The following ABLIM1 variants were observed in gnomAD, a reference collection of about 807,000 sequenced individuals.
ABLIM1 encodes the protein actin binding LIM protein 1.
Under a neutral mutation model 107.0 loss-of-function variants are expected in ABLIM1, and 40 were observed. That is an observed-to-expected ratio of 0.37 (90% CI 0.29 to 0.49). The LOEUF (loss-of-function observed/expected upper bound fraction) is 0.49, where lower values mean the gene tolerates loss of function less well. ABLIM1 is among the 20% of genes least tolerant of loss of function. The pLI is 0.97. For synonymous variants in ABLIM1, 357 were observed against 357.3 expected (o/e 1.00, Z 0.01); for missense variants, 857 against 1,008.5 (o/e 0.85, Z 2.04).
chr10:114,787,511 GC>G, the ABLIM1 span, among the ~76,000 whole-genome samples: 1 of 115,350 alleles, frequency 8.7e-6, no homozygotes, highest in Non-Finnish European at 1.8e-5. Flanking sequence ...CCGGCCAGCC[GC>G]CCTGTCCGGG....
At chr10:114,445,528 T>A in intron 15 of ABLIM1, 125 bp from the exon 16 acceptor site, 2 of 792,318 alleles carry the variant, frequency 2.5e-6, no homozygotes, top group Non-Finnish European at 4.3e-6. Context: ...CACTTTTAAG[T>A]AAACAATACA....
At chr10:114,497,194 A>G (rs189291879) in intron 6 of ABLIM1, among the ~76,000 whole-genome samples, 4 of 152,336 alleles carry the variant, frequency 2.6e-5, no homozygotes, top group African/African-American at 7.2e-5. Context: ...AAACTTTTAA[A>G]GCCCAGCAGG....
At chr10:114,648,152 C>T (rs936987466) in intron 1 of ABLIM1, among the ~76,000 whole-genome samples, 2 of 152,138 alleles carry the variant, frequency 1.3e-5, no homozygotes, top group Non-Finnish European at 2.9e-5. Flanking sequence ...AGAGAATTAT[C>T]GTATGACCCA....
chr10:114,775,105 G>C, the ABLIM1 span, among the ~76,000 whole-genome samples: 3 of 152,130 alleles, frequency 2.0e-5, no homozygotes, highest in Admixed American at 2.0e-4. Context: ...TCTTCACATG[G>C]TGGCAGGAGA....
intron 1 of ABLIM1, among the ~76,000 whole-genome samples, chr10:114,669,724 A>T (rs752831439): frequency 6.6e-6 from 1 of 152,174 alleles, no homozygotes; most frequent in Non-Finnish European, 1.5e-5. Flanking sequence ...AAGCTAACAA[A>T]AATAGCCTGC....
chr10:114,552,617 A>G (rs192257876), intron 4 of ABLIM1, among the ~76,000 whole-genome samples: 1 of 152,342 alleles, frequency 6.6e-6, no homozygotes, highest in African/African-American at 2.4e-5. Context: ...ATTAACATCC[A>G]TCTACATAGC....
chr10:114,476,168 GA>G (rs994576797), intron 8 of ABLIM1, among the ~76,000 whole-genome samples: 4 of 152,210 alleles, frequency 2.6e-5, no homozygotes, highest in Non-Finnish European at 5.9e-5. Context: ...GTGGCTGGGA[GA>G]AATCACACCA....
chr10:114,700,582 T>C (rs891695255), intron 1 of ABLIM1, among the ~76,000 whole-genome samples: 4 of 151,756 alleles, frequency 2.6e-5, no homozygotes, highest in African/African-American at 7.3e-5. Flanking sequence ...ATTGCCATAA[T>C]GAAAGACAAA....
chr10:114,772,746 A>G (rs2083039406), upstream of ABLIM1, among the ~76,000 whole-genome samples: 2 of 152,252 alleles, frequency 1.3e-5, no homozygotes, highest in Non-Finnish European at 2.9e-5. Flanking sequence ...AGAAACAACA[A>G]ATAGATACTA....
At chr10:114,573,147 T>C (rs1394209648) in intron 3 of ABLIM1, among the ~76,000 whole-genome samples, 1 of 152,194 alleles carries the variant, frequency 6.6e-6, no homozygotes, top group Non-Finnish European at 1.5e-5. Context: ...CCTCTGCCCA[T>C]ACTGGATAAC....
chr10:114,634,782 C>A (rs1349869899), intron 1 of ABLIM1, among the ~76,000 whole-genome samples: 2 of 152,138 alleles, frequency 1.3e-5, no homozygotes, highest in African/African-American at 4.8e-5. Context: ...CGGCAAAAGT[C>A]CCCCCGCCAA....
intron 3 of ABLIM1, among the ~76,000 whole-genome samples, chr10:114,573,216 A>G (rs1360259503): frequency 6.6e-6 from 1 of 152,222 alleles, no homozygotes; most frequent in Admixed American, 6.5e-5. Flanking sequence ...TTAGAGTTAG[A>G]AAACCTGAGT....
chr10:114,725,397 T>C lies in ABLIM1; in HGVS notation c.-213+42664A>G, dbSNP rs574475404. Among the ~76,000 whole-genome samples the C allele has an allele frequency of 7.9e-5, 12 of 152,248 alleles. No individual in the cohort carries two copies. In the South Asian group the frequency reaches 2.3e-3, roughly 29 times the overall value. On this transcript the variant is annotated intron_variant, in intron 1 of 15. Transcript: ENST00000651092. ...GCTGGGTTTTATAAAATGTAGACCA[T>C]CTATACAATAAATTCATATTTATGA...
chr10:114,496,686 CA>C (rs2059710484), intron 6 of ABLIM1, among the ~76,000 whole-genome samples: 1 of 152,166 alleles, frequency 6.6e-6, no homozygotes, highest in African/African-American at 2.4e-5. Flanking sequence ...AAAAAGAAAA[CA>C]CTGCTAAAAA....
At position 114,707,931 on chromosome 10, in the gene ABLIM1, C is replaced by CAAA. The variant is rs369371634; in HGVS notation, c.-213+60129_-213+60130insTTT. Among the ~76,000 whole-genome samples the CAAA allele has an allele frequency of 7.0e-6, 1 of 143,688 alleles. No homozygotes were observed. The highest frequency in any genetic ancestry group is 1.5e-5 in the Non-Finnish European group (1 of 67,816). The allele number at this position is 143,688 out of a possible 152,430, so 94.3% of individuals were successfully genotyped here. A position where few individuals can be genotyped will look rare whatever the true frequency, so the allele number is the denominator to read the frequency against. ...CAAACAAACAAACAAACAACAACAA[C>CAAA]AACAAAAAACCTAATTACCAACAGT... On this transcript the variant is annotated intron_variant, in intron 1 of 15. Coordinates refer to the ABLIM1 transcript ENST00000651092. This position sits in a 1 kb window ranked among gnomAD's most constrained non-coding sequence, Gnocchi z 4.1.
At chr10:114,731,629 A>C (rs2082075960) in intron 1 of ABLIM1, among the ~76,000 whole-genome samples, 1 of 150,954 alleles carries the variant, frequency 6.6e-6, no homozygotes. Context: ...TCCACCTCCT[A>C]GGTTCAAACC....
At chr10:114,491,923 G>A (rs766810648) in intron 6 of ABLIM1, 45 bp from the exon 7 acceptor site, 2 of 1,449,560 alleles carry the variant, frequency 1.4e-6, no homozygotes, top group Admixed American at 1.7e-5. Context: ...TCCTTGTCAT[G>A]GATTCCAGAA....
At chr10:114,645,600 C>T (rs2078979392) in intron 1 of ABLIM1, among the ~76,000 whole-genome samples, 2 of 152,106 alleles carry the variant, frequency 1.3e-5, no homozygotes, top group African/African-American at 4.8e-5. Context: ...AGAACAATGT[C>T]CTGAAAAGAC....
intron 1 of ABLIM1, among the ~76,000 whole-genome samples, chr10:114,655,361 T>C (rs2141155824): frequency 6.6e-6 from 1 of 152,358 alleles, no homozygotes; most frequent in Admixed American, 6.5e-5. Context: ...TGATAAGTCA[T>C]TATCCAGCAT....
Sources: allele counts gnomAD v4.1 joint callset (sites outside exome capture counted in the v4.1 genomes callset), GRCh38; gene constraint gnomAD v4.1.1; non-coding constraint Gnocchi (gnomAD v3.1); transcripts MANE v1.5; gene names NCBI Gene and HGNC (gene_info 2026-07-23, HGNC 2026-07-21).